The following PTPN14 variants were observed in gnomAD, a reference collection of about 807,000 sequenced individuals.
The protein encoded by PTPN14 is protein tyrosine phosphatase non-receptor type 14, also known as tyrosine-protein phosphatase non-receptor type 14.
PTPN14 carries 53 observed loss-of-function variants against 126.8 expected under a neutral mutation model. The ratio of observed to expected loss-of-function variants is 0.42; its 90% CI spans 0.34 to 0.53. The LOEUF (loss-of-function observed/expected upper bound fraction) is 0.53. Among genes scored for constraint, PTPN14 ranks in the 20% least tolerant of loss-of-function variants. The pLI is 0.08. For synonymous variants in PTPN14, 630 were observed against 599.3 expected (o/e 1.05, Z -0.75); for missense variants, 1,257 against 1,552.9 (o/e 0.81, Z 3.20).
intron 3 of PTPN14, among the ~76,000 whole-genome samples, chr1:214,429,727 T>A (rs187736221): frequency 1.3e-5 from 2 of 152,350 alleles, no homozygotes; most frequent in Non-Finnish European, 2.9e-5. Context: ...CCAAGCCAAC[T>A]AGAATATTAA....
intron 16 of PTPN14, among the ~76,000 whole-genome samples, chr1:214,370,280 C>CAAA (rs561271706): frequency 1.0e-5 from 1 of 97,432 alleles, no homozygotes; most frequent in Admixed American, 1.0e-4. Flanking sequence ...GATTCCATCT[C>CAAA]AAAAAAAAAA....
chr1:214,544,587 T>A (rs1390245378), intron 1 of PTPN14, among the ~76,000 whole-genome samples: 2 of 151,854 alleles, frequency 1.3e-5, no homozygotes, highest in Non-Finnish European at 2.9e-5. Flanking sequence ...CCATCTCTAC[T>A]AAAAATTTAA....
intron 1 of PTPN14, chr1:214,533,355 A>G (rs748311112): frequency 4.2e-6 from 2 of 481,918 alleles, no homozygotes; most frequent in South Asian, 1.8e-5. Context: ...TCAATCTTCA[A>G]TCTTGGTGAT....
intron 1 of PTPN14, among the ~76,000 whole-genome samples, chr1:214,472,303 G>A (rs981405166): frequency 4.6e-5 from 7 of 151,684 alleles, no homozygotes; most frequent in African/African-American, 7.3e-5. Flanking sequence ...CCCTGACCCC[G>A]CTCGCTCTCT....
intron 4 of PTPN14, among the ~76,000 whole-genome samples, chr1:214,413,711 C>T (rs1481357069): frequency 2.0e-5 from 3 of 152,178 alleles, no homozygotes; most frequent in Non-Finnish European, 2.9e-5. Context: ...CTTTGTCACC[C>T]AGGCTGGAGT....
chr1:214,542,143 CACAT>C (rs1001091287), intron 1 of PTPN14, among the ~76,000 whole-genome samples: 22 of 151,902 alleles, frequency 1.4e-4, no homozygotes, highest in African/African-American at 4.6e-4. Flanking sequence ...TATGTACACA[CACAT>C]ATAGTATGTA....
At chr1:214,517,866 G>A (rs1655148182) in intron 1 of PTPN14, among the ~76,000 whole-genome samples, 1 of 152,106 alleles carries the variant, frequency 6.6e-6, no homozygotes, top group African/African-American at 2.4e-5. Flanking sequence ...TATCACTTGA[G>A]CCTGGGAGGC....
intron 5 of PTPN14, among the ~76,000 whole-genome samples, chr1:214,406,637 T>C (rs1659178547): frequency 6.6e-6 from 1 of 152,172 alleles, no homozygotes; most frequent in Non-Finnish European, 1.5e-5. Context: ...AATAACAATG[T>C]CAATATCTGT....
At chr1:214,547,868 T>C (rs1382461096) in intron 1 of PTPN14, among the ~76,000 whole-genome samples, 1 of 150,642 alleles carries the variant, frequency 6.6e-6, no homozygotes, top group Non-Finnish European at 1.5e-5. Context: ...AGGAGCCACA[T>C]GGCAGCTGCC....
chr1:214,353,088 T>TC lies in PTPN14; in HGVS notation c.*4833dup, dbSNP rs1370504777. On this transcript the variant is annotated 3_prime_UTR_variant, in exon 19 of 19. Transcript: ENST00000366956. ...ATCCTAGAATGCCCTGTACCCTCCA[T>TC]CCCCCCAACCCCCGCACCTCAAGGG... The TC allele has an allele frequency of 6.6e-6, 1 of 151,562 alleles. No individual in the cohort carries two copies. Among genetic ancestry groups the TC allele is most frequent in the Non-Finnish European group, 1.5e-5 (1 of 67,918 alleles). 9.4% of individuals were successfully genotyped at this position (151,562 alleles called of 1,614,324 possible). A position where few individuals can be genotyped will look rare whatever the true frequency, so the allele number is the denominator to read the frequency against.
chr1:214,450,681 CA>C (rs1660254790), intron 3 of PTPN14, among the ~76,000 whole-genome samples: 1 of 152,048 alleles, frequency 6.6e-6, no homozygotes, highest in Non-Finnish European at 1.5e-5. Context: ...GGGTAAAAGG[CA>C]AAAAGTAAAG....
chr1:214,491,814 A>G (rs1212889708), intron 1 of PTPN14, among the ~76,000 whole-genome samples: 2 of 152,162 alleles, frequency 1.3e-5, no homozygotes, highest in Non-Finnish European at 2.9e-5. Context: ...CCCCAAGTCT[A>G]GTTCATCTGG....
Position 214,383,253 on chromosome 1 carries a change from AG to A in PTPN14, c.2544+57del. On this transcript the variant is annotated intron_variant, in intron 13 of 18. Coordinates refer to ENST00000366956, the MANE Select transcript of PTPN14 (RefSeq NM_005401.5). This position sits in a 1 kb window ranked among gnomAD's most constrained non-coding sequence, Gnocchi z 4.4. ...CCTGCATAAGCCCTGCCCCTTGCTCAGTGCCTGAAGCATGTGCTTTCACACT... is the reference window on the plus strand; with the variant it reads ...CCTGCATAAGCCCTGCCCCTTGCTCATGCCTGAAGCATGTGCTTTCACACT... 1 of 1,557,274 alleles carries A rather than the reference AG, an allele frequency of 6.4e-7. No homozygotes were observed. Among genetic ancestry groups the A allele is most frequent in the Non-Finnish European group, 8.7e-7 (1 of 1,145,040 alleles).
chr1:214,398,738 GT>G (rs1481331807), intron 7 of PTPN14, among the ~76,000 whole-genome samples: 1 of 148,600 alleles, frequency 6.7e-6, no homozygotes, highest in Non-Finnish European at 1.5e-5. Flanking sequence ...CGGCAACAAT[GT>G]ACTGTATTCT....
At chr1:214,416,195 T>C (rs1382018001) in intron 3 of PTPN14, among the ~76,000 whole-genome samples, 1 of 152,214 alleles carries the variant, frequency 6.6e-6, no homozygotes, top group African/African-American at 2.4e-5. Flanking sequence ...CTTACAAGGA[T>C]GCACATATCT....
chr1:214,367,643 GC>G (rs1193003902), intron 17 of PTPN14, among the ~76,000 whole-genome samples: 6 of 152,168 alleles, frequency 3.9e-5, no homozygotes, highest in Admixed American at 2.0e-4. Context: ...CAGGCACAAG[GC>G]TACAGGGAGC....
intron 5 of PTPN14, among the ~76,000 whole-genome samples, chr1:214,406,778 T>C (rs1048659852): frequency 8.5e-5 from 13 of 152,206 alleles, no homozygotes; most frequent in African/African-American, 3.1e-4. Context: ...TTCATAGCAC[T>C]TTAACCTGTC....
Position 214,372,622 on chromosome 1 carries a change from T to C in PTPN14, c.3036+89A>G, listed in dbSNP as rs542761682. On this transcript the variant is annotated intron_variant, in intron 16 of 18. Transcript: ENST00000366956. ...AGAAACAGCACTGCAGGAAGAAGGA[T>C]AGGGTAGCAAAGTTGACAGCACAAA... 4.4e-6 allele frequency: 7 copies of C among 1,581,620 alleles called. No individual in the cohort carries two copies. In the African/African-American group the frequency reaches 5.4e-5, roughly 12 times the overall value.
At chr1:214,436,524 C>T (rs1659919717) in intron 3 of PTPN14, among the ~76,000 whole-genome samples, 1 of 152,106 alleles carries the variant, frequency 6.6e-6, no homozygotes, top group South Asian at 2.1e-4. Flanking sequence ...GGGCTGGGTA[C>T]AGTGGCTCAT....
Sources: allele counts gnomAD v4.1 joint callset (sites outside exome capture counted in the v4.1 genomes callset), GRCh38; gene constraint gnomAD v4.1.1; non-coding constraint Gnocchi (gnomAD v3.1); transcripts MANE v1.5; gene names NCBI Gene and HGNC (gene_info 2026-07-23, HGNC 2026-07-21).